Variants in PLEKHA2 observed in about 807,000 individuals in gnomAD.
PLEKHA2 encodes the protein pleckstrin homology domain containing A2.
Under a neutral mutation model 53.2 loss-of-function variants are expected in PLEKHA2, and 28 were observed. The observed-to-expected ratio is 0.53, with a 90% CI of 0.39 to 0.72. The LOEUF is 0.72. Among genes scored for constraint, PLEKHA2 ranks in the 30% least tolerant of loss-of-function variants. The pLI is 0.00. For synonymous variants in PLEKHA2, 193 were observed against 196.4 expected, an observed-to-expected ratio of 0.98 and a Z score of 0.14; for missense variants, 426 against 537.9, an observed-to-expected ratio of 0.79 and a Z score of 2.06.
intron 10 of PLEKHA2, among the ~76,000 whole-genome samples, chr8:38,959,339 G>A (rs1284563611): frequency 6.6e-6 from 1 of 152,112 alleles, no homozygotes; most frequent in Non-Finnish European, 1.5e-5. Flanking sequence ...AAGGAGCAAA[G>A]GGCCAAAAGG....
chr8:38,927,839 G>A (rs1564119589), intron 2 of PLEKHA2, among the ~76,000 whole-genome samples: 1 of 152,116 alleles, frequency 6.6e-6, no homozygotes. Flanking sequence ...AGTTTGTTCT[G>A]GCCAGGACAT....
chr8:38,961,280 G>A (rs1056802474), intron 10 of PLEKHA2, among the ~76,000 whole-genome samples: 2 of 152,182 alleles, frequency 1.3e-5, no homozygotes, highest in African/African-American at 4.8e-5. Context: ...GCTCACGCCT[G>A]CAATCCTGGG....
At chr8:38,965,406 C>G (rs1224489448) in intron 10 of PLEKHA2, among the ~76,000 whole-genome samples, 1 of 152,080 alleles carries the variant, frequency 6.6e-6, no homozygotes, top group African/African-American at 2.4e-5. Flanking sequence ...TAGCTTAACA[C>G]CCCTGGAAAC....
chr8:38,939,115 G>A (rs955865418), intron 3 of PLEKHA2, among the ~76,000 whole-genome samples: 1 of 151,972 alleles, frequency 6.6e-6, no homozygotes, highest in African/African-American at 2.4e-5. Context: ...TGTTGACCAG[G>A]CTGGTCTCGA....
intron 2 of PLEKHA2, among the ~76,000 whole-genome samples, chr8:38,935,697 G>A (rs1469791536): frequency 6.6e-6 from 1 of 152,174 alleles, no homozygotes; most frequent in South Asian, 2.1e-4. Flanking sequence ...GGGATTACAG[G>A]CATGAACCAG....
chr8:38,943,744 T>C (rs1834655477), intron 3 of PLEKHA2, 45 bp from the exon 4 acceptor site: 2 of 1,429,478 alleles, frequency 1.4e-6, no homozygotes, highest in Non-Finnish European at 1.9e-6. Flanking sequence ...TCTTCAACAT[T>C]GTAAGACACA....
At chr8:38,902,051 G>C (rs1410508734) in intron 1 of PLEKHA2, 2 of 152,384 alleles carry the variant, frequency 1.3e-5, no homozygotes, top group Admixed American at 6.5e-5. Context: ...ACAGTGAAAA[G>C]GACTGCCCTA....
intron 10 of PLEKHA2, among the ~76,000 whole-genome samples, chr8:38,961,516 G>A (rs1404808796): frequency 7.9e-5 from 12 of 152,140 alleles, no homozygotes; most frequent in Admixed American, 2.0e-4. Context: ...CAGCCTGGAA[G>A]ACAGAGTGAG....
chr8:38,903,870 T>C (rs1196317165), intron 1 of PLEKHA2, among the ~76,000 whole-genome samples: 1 of 152,166 alleles, frequency 6.6e-6, no homozygotes, highest in Non-Finnish European at 1.5e-5. Context: ...TGCTGGGACG[T>C]TGGGTTGCTC....
chr8:38,928,016 G>T (rs1419694496), intron 2 of PLEKHA2, among the ~76,000 whole-genome samples: 3 of 152,056 alleles, frequency 2.0e-5, no homozygotes, highest in African/African-American at 7.2e-5. Context: ...GTTGACTGGG[G>T]AGAGGAGGTG....
At chr8:38,951,255 T>C (rs1299444946) in intron 6 of PLEKHA2, among the ~76,000 whole-genome samples, 1 of 152,026 alleles carries the variant, frequency 6.6e-6, no homozygotes, top group Non-Finnish European at 1.5e-5. Context: ...ACACAGAAGA[T>C]GAGGGTTTGT....
chr8:38,951,025 G>A (rs760974179), intron 6 of PLEKHA2, 35 bp downstream of exon 6: 12 of 1,600,534 alleles, frequency 7.5e-6, no homozygotes, highest in Middle Eastern at 1.7e-4. Flanking sequence ...GGGGGAGTGG[G>A]GGTGTGGAAG....
intron 10 of PLEKHA2, among the ~76,000 whole-genome samples, chr8:38,965,793 A>G (rs1373215137): frequency 6.6e-6 from 1 of 152,290 alleles, no homozygotes; most frequent in African/African-American, 2.4e-5. Context: ...GTCGCATATC[A>G]TATAATACCA....
rs770862514 is a variant in PLEKHA2 at position 38,950,842 on chromosome 8, C to T, written c.346-8C>T. On this transcript the variant is annotated splice_polypyrimidine_tract_variant and splice_region_variant and intron_variant, in intron 5 of 11. Transcript: ENST00000617275. ...TTCCCCATTGATTGTTGCTGCCGCT[C>T]ACCCCAGGTTCCCAAAGGTGGGGGC... The T allele has an allele frequency of 7.2e-5, 116 of 1,609,948 alleles. No homozygotes were observed. Among genetic ancestry groups the T allele is most frequent in the Admixed American group, 2.9e-4 (17 of 59,608 alleles).
intron 4 of PLEKHA2, 126 bp downstream of exon 4, chr8:38,943,963 A>G (rs1205274441): frequency 1.9e-5 from 12 of 624,956 alleles, no homozygotes; most frequent in Non-Finnish European, 3.0e-5. Context: ...AATCACAGTG[A>G]CGGTCCTGGA....
intron 10 of PLEKHA2, among the ~76,000 whole-genome samples, chr8:38,967,742 A>T (rs1588282276): frequency 6.7e-6 from 1 of 149,114 alleles, no homozygotes. Flanking sequence ...GCTCACTGCA[A>T]CCTCTGCCTC....
intron 2 of PLEKHA2, among the ~76,000 whole-genome samples, chr8:38,920,307 C>T (rs1159072601): frequency 4.6e-5 from 7 of 152,082 alleles, no homozygotes; most frequent in South Asian, 2.1e-4. Flanking sequence ...CCCGCCACCA[C>T]GCCCAGCTAA....
At chr8:38,952,438 T>C (rs1834862932) in intron 7 of PLEKHA2, 126 bp downstream of exon 7, 1 of 1,425,214 alleles carries the variant, frequency 7.0e-7, no homozygotes, top group Non-Finnish European at 9.4e-7. Flanking sequence ...CCTCCACCTT[T>C]GAGGGTGAGA....
chr8:38,917,944 T>A lies in PLEKHA2; in HGVS notation c.15T>A (p.Asp5Glu). The A allele has an allele frequency of 6.2e-7, 1 of 1,613,624 alleles. No individual in the cohort carries two copies. The highest frequency in any genetic ancestry group is 8.5e-7 in the Non-Finnish European group (1 of 1,179,666). MPYV[D>E]RQNRICGFLD... ...AGAGCCCAGGAATGCCTTATGTGGA[T>A]CGGCAGAACCGAATCTGTGGGTTTC... The change falls in exon 2 of 12, where the codon GAT becomes GAA. Residue 5 changes from aspartate to glutamate, a missense_variant. By Grantham distance (45) the Asp-to-Glu change is conservative. Coordinates refer to ENST00000617275, the MANE Select transcript of PLEKHA2 (RefSeq NM_021623.2).
Sources: gnomAD v4.1 joint callset for allele counts (sites outside exome capture counted in the v4.1 genomes callset) on GRCh38, gnomAD v4.1.1 for gene constraint, MANE v1.5 for transcripts, NCBI Gene and HGNC (gene_info 2026-07-23, HGNC 2026-07-21) for gene names.